ADGRB3: variants seen among roughly 807,000 people sequenced by gnomAD.
ADGRB3 encodes brain-specific angiogenesis inhibitor 3.
In ADGRB3, 37 loss-of-function variants were observed where a neutral mutation model predicts 193.4. That is an observed-to-expected ratio of 0.19 (90% CI 0.15 to 0.25). The LOEUF is 0.25. Ranked by LOEUF, ADGRB3 falls within the 10% of genes least tolerant of loss-of-function variation. ADGRB3 has a pLI of 1.00. For synonymous variants in ADGRB3, 690 were observed against 644.2 expected, an observed-to-expected ratio of 1.07 and a Z score of -1.08; for missense variants, 1,637 against 1,852.9, an observed-to-expected ratio of 0.88 and a Z score of 2.14.
In ADGRB3 at chr6:69,220,130, G is replaced by GT. The variant is rs562383512; in HGVS notation, c.2481-13153dup. ...TGGGAGATTTTCTCTGAGAATAAAAGTTTTTTTCTGTCCATTAGACCATTT... is the reference window on the plus strand; with the variant it reads ...TGGGAGATTTTCTCTGAGAATAAAAGTTTTTTTTCTGTCCATTAGACCATTT... On this transcript the variant is annotated intron_variant, in intron 17 of 31. Transcript: ENST00000370598. 2.0e-5 allele frequency among the ~76,000 whole-genome samples: 3 copies of GT among 151,914 alleles called. No homozygotes were observed. In the East Asian group the frequency reaches 5.8e-4, roughly 29 times the overall value.
rs1582414313 is a variant in ADGRB3 at position 69,040,318 on chromosome 6, T to TTTCC, written c.2108-7864_2108-7863insCTTC. 1.0e-4 allele frequency among the ~76,000 whole-genome samples: 4 copies of TTTCC among 40,144 alleles called. No individual in the cohort carries two copies. In the Admixed American group the frequency reaches 1.6e-3, roughly 16 times the overall value. The allele number at this position is 40,144 out of a possible 152,430, so 26.3% of individuals were successfully genotyped here. On this transcript the variant is annotated intron_variant, in intron 13 of 31. Coordinates refer to ENST00000370598, the MANE Select transcript of ADGRB3 (RefSeq NM_001704.3). Reference sequence around the variant, plus strand: ...CTTCCTTTCTCTGTCTCTTTCTTTCTTTCTTTCTTTCTTTCTTTCTTTCTT... The same window carrying TTTCC: ...CTTCCTTTCTCTGTCTCTTTCTTTCTTTCCTTCTTTCTTTCTTTCTTTCTTTCTT...
chr6:69,353,002 T>C (rs1769259645), intron 26 of ADGRB3, among the ~76,000 whole-genome samples: 1 of 152,146 alleles, frequency 6.6e-6, no homozygotes, highest in African/African-American at 2.4e-5. Flanking sequence ...GTCAATAATA[T>C]GAAGTTAGAA....
At chr6:68,855,753 T>C (rs1171376054) in intron 3 of ADGRB3, among the ~76,000 whole-genome samples, 1 of 152,196 alleles carries the variant, frequency 6.6e-6, no homozygotes, top group Non-Finnish European at 1.5e-5. Context: ...GGGCACTGAC[T>C]CATGCCTGTA....
At chr6:68,880,011 C>CAAATTT (rs1765691751) in intron 3 of ADGRB3, among the ~76,000 whole-genome samples, 1 of 152,120 alleles carries the variant, frequency 6.6e-6, no homozygotes, top group African/African-American at 2.4e-5. Flanking sequence ...GAGACATAAA[C>CAAATTT]CAATTTTAAT....
At chr6:68,695,627 A>G (rs1182752686) in intron 3 of ADGRB3, among the ~76,000 whole-genome samples, 3 of 151,952 alleles carry the variant, frequency 2.0e-5, no homozygotes, top group African/African-American at 7.2e-5. Flanking sequence ...GGTCTCCTAA[A>G]GACTGGGACC....
At chr6:68,866,478 G>A (rs146084916) in intron 3 of ADGRB3, among the ~76,000 whole-genome samples, 22 of 152,312 alleles carry the variant, frequency 1.4e-4, no homozygotes, top group African/African-American at 4.8e-4. Context: ...ATAGCAGTGT[G>A]AAAATGGATT....
intron 20 of ADGRB3, among the ~76,000 whole-genome samples, chr6:69,242,186 T>G (rs1766398341): frequency 6.6e-6 from 1 of 151,930 alleles, no homozygotes; most frequent in Non-Finnish European, 1.5e-5. Flanking sequence ...AAGTACAAAG[T>G]GTGTTGTCTG....
intron 3 of ADGRB3, among the ~76,000 whole-genome samples, chr6:68,928,884 T>C (rs1353899640): frequency 2.0e-5 from 3 of 152,130 alleles, no homozygotes; most frequent in Admixed American, 2.0e-4. Flanking sequence ...TGATAAAAAA[T>C]TACTACTAAA....
intron 17 of ADGRB3, among the ~76,000 whole-genome samples, chr6:69,119,673 T>C (rs1044487605): frequency 6.6e-6 from 1 of 152,032 alleles, no homozygotes; most frequent in Non-Finnish European, 1.5e-5. Flanking sequence ...AGTGCCAGGC[T>C]TACACAAAGA....
intron 3 of ADGRB3, among the ~76,000 whole-genome samples, chr6:68,712,115 A>C (rs909056805): frequency 3.9e-5 from 6 of 152,088 alleles, no homozygotes; most frequent in Admixed American, 3.9e-4. Flanking sequence ...GCAAAATATT[A>C]TTAATAAATT....
chr6:69,140,064 G>GA (rs560952253), intron 17 of ADGRB3, among the ~76,000 whole-genome samples: 8 of 151,770 alleles, frequency 5.3e-5, no homozygotes, highest in South Asian at 4.2e-4. Context: ...ATTCCATTTA[G>GA]AAAAAAAATC....
intron 13 of ADGRB3, among the ~76,000 whole-genome samples, chr6:69,030,770 G>A (rs1375554191): frequency 1.3e-5 from 2 of 151,982 alleles, no homozygotes; most frequent in African/African-American, 4.8e-5. Context: ...GTATAATAAA[G>A]CAAAACAAAA....
intron 17 of ADGRB3, among the ~76,000 whole-genome samples, chr6:69,118,006 C>A (rs759847425): frequency 7.9e-5 from 12 of 152,118 alleles, no homozygotes; most frequent in Non-Finnish European, 1.6e-4. Flanking sequence ...TCCAAAATCA[C>A]AAAGATAACA....
intron 3 of ADGRB3, among the ~76,000 whole-genome samples, chr6:68,839,005 A>C (rs147530109): frequency 6.6e-6 from 1 of 151,886 alleles, no homozygotes; most frequent in Non-Finnish European, 1.5e-5. Flanking sequence ...TGGTTACATG[A>C]CCTGAGAGGA....
At chr6:68,989,578 T>C (rs1769174543) in intron 10 of ADGRB3, among the ~76,000 whole-genome samples, 1 of 152,170 alleles carries the variant, frequency 6.6e-6, no homozygotes, top group East Asian at 1.9e-4. Context: ...TTAACCTCTA[T>C]TTTTATATTA....
chr6:69,060,992 A>C (rs2150307166), intron 15 of ADGRB3, among the ~76,000 whole-genome samples: 1 of 152,142 alleles, frequency 6.6e-6, no homozygotes, highest in East Asian at 1.9e-4. Context: ...AATTTGGCAA[A>C]AGAAGCTTGA....
intron 17 of ADGRB3, among the ~76,000 whole-genome samples, chr6:69,084,186 C>T (rs535660798): frequency 2.6e-5 from 4 of 152,200 alleles, no homozygotes; most frequent in South Asian, 4.1e-4. Flanking sequence ...TCTGGCCCCA[C>T]GGTGATTGTT....
At chr6:68,956,831 C>T (rs1388777382) in intron 8 of ADGRB3, 22 bp downstream of exon 8, 1 of 1,594,526 alleles carries the variant, frequency 6.3e-7, no homozygotes, top group Non-Finnish European at 8.6e-7. Context: ...CCCAAATTAT[C>T]CCAAAAGAAA....
chr6:68,829,091 C>CTT (rs70987436), intron 3 of ADGRB3, among the ~76,000 whole-genome samples: 17 of 94,656 alleles, frequency 1.8e-4, no homozygotes, highest in East Asian at 2.7e-4. Flanking sequence ...GTTTAAGTAA[C>CTT]TTTTTTTTTT....
Sources: allele counts gnomAD v4.1 joint callset (sites outside exome capture counted in the v4.1 genomes callset), GRCh38; gene constraint gnomAD v4.1.1; transcripts MANE v1.5; gene names NCBI Gene and HGNC (gene_info 2026-07-23, HGNC 2026-07-21).